EYS: variants seen among roughly 807,000 people sequenced by gnomAD.
EYS encodes the protein protein eyes shut homolog.
A neutral mutation model predicts 282.1 loss-of-function variants in EYS; 250 were observed. The ratio of observed to expected loss-of-function variants is 0.89; its 90% CI spans 0.80 to 0.98. The LOEUF is 0.98. EYS is among the 50% of genes least tolerant of loss of function. EYS has a pLI of 0.00. For synonymous variants in EYS, 1,355 were observed against 1,282.9 expected (o/e 1.06, Z -1.20); for missense variants, 4,016 against 3,709.0 (o/e 1.08, Z -2.15).
At chr6:64,038,960 G>A (rs1017005346) in intron 33 of EYS, among the ~76,000 whole-genome samples, 14 of 151,978 alleles carry the variant, frequency 9.2e-5, no homozygotes, top group African/African-American at 2.9e-4. Context: ...CCCTACAACC[G>A]TGTATGGCTA....
intron 1 of EYS, among the ~76,000 whole-genome samples, chr6:65,647,714 A>C (rs781693443): frequency 3.3e-5 from 5 of 152,198 alleles, no homozygotes; most frequent in Non-Finnish European, 7.4e-5. Flanking sequence ...AAGATAAATA[A>C]TTAGCAGAGT....
intron 11 of EYS, chr6:65,329,595 T>C: frequency 1.0e-6 from 1 of 980,988 alleles, no homozygotes; most frequent in Non-Finnish European, 1.2e-6. Context: ...GGTAAAAATA[T>C]ACCCACATAA....
At chr6:63,880,479 G>A (rs1426075470) in intron 35 of EYS, among the ~76,000 whole-genome samples, 7 of 124,390 alleles carry the variant, frequency 5.6e-5, no homozygotes, top group African/African-American at 1.4e-4. Flanking sequence ...CTGTCTGTCT[G>A]TCTGTCTGTA....
At chr6:65,098,759 C>T (rs1364824817) in intron 12 of EYS, among the ~76,000 whole-genome samples, 1 of 150,608 alleles carries the variant, frequency 6.6e-6, no homozygotes, top group East Asian at 1.9e-4. Context: ...ATCATTTCAC[C>T]CCTTAGGCTG....
rs869208549 is a variant in EYS at position 64,703,429 on chromosome 6, A to ATATTTTTTTT, written c.3444-77185_3444-77184insAAAAAAAATA. ...CACACACATATATATATATATATAT[A>ATATTTTTTTT]TTTTTTTTTTTTTTTTTTGAGATGG... On this transcript the variant is annotated intron_variant, in intron 22 of 42. Coordinates refer to ENST00000503581, the MANE Select transcript of EYS (RefSeq NM_001142800.2). 2.5e-3 allele frequency among the ~76,000 whole-genome samples: 59 copies of ATATTTTTTTT among 23,358 alleles called. 4 individuals are homozygous for ATATTTTTTTT. The highest frequency in any genetic ancestry group is 4.2e-3 in the African/African-American group (44 of 10,468). 15.3% of individuals were successfully genotyped at this position (23,358 alleles called of 152,430 possible).
intron 14 of EYS, among the ~76,000 whole-genome samples, chr6:64,951,624 G>T (rs1769513881): frequency 6.6e-6 from 1 of 151,626 alleles, no homozygotes; most frequent in Non-Finnish European, 1.5e-5. Flanking sequence ...AAGACAAATA[G>T]GGAATTCCAC....
At chr6:64,229,509 C>T (rs1582456568) in intron 31 of EYS, among the ~76,000 whole-genome samples, 1 of 152,178 alleles carries the variant, frequency 6.6e-6, no homozygotes, top group East Asian at 1.9e-4. Context: ...TTCTCAAAAT[C>T]AAGCCATAGT....
chr6:64,619,124 A>G (rs1050369188), intron 23 of EYS, among the ~76,000 whole-genome samples: 6 of 152,214 alleles, frequency 3.9e-5, no homozygotes, highest in African/African-American at 1.4e-4. Context: ...GGTGGCGAGA[A>G]TTATTGCTAA....
At chr6:65,589,991 A>G (rs1239296494) in intron 2 of EYS, among the ~76,000 whole-genome samples, 1 of 152,056 alleles carries the variant, frequency 6.6e-6, no homozygotes, top group Non-Finnish European at 1.5e-5. Flanking sequence ...TGAAAGCAAA[A>G]CCATTGGCAA....
intron 18 of EYS, among the ~76,000 whole-genome samples, chr6:64,893,680 TAAG>T (rs1767361538): frequency 6.6e-6 from 1 of 152,042 alleles, no homozygotes; most frequent in African/African-American, 2.4e-5. Context: ...GGTAATTTTC[TAAG>T]AATAGAATAA....
chr6:64,651,972 A>G (rs1342904347), intron 22 of EYS, among the ~76,000 whole-genome samples: 2 of 152,244 alleles, frequency 1.3e-5, no homozygotes, highest in African/African-American at 4.8e-5. Context: ...ATACACTGGC[A>G]TACAGGCACT....
chr6:65,098,481 G>T (rs1774801772), intron 12 of EYS, among the ~76,000 whole-genome samples: 1 of 150,754 alleles, frequency 6.6e-6, no homozygotes, highest in African/African-American at 2.4e-5. Flanking sequence ...ATTTCGTCTA[G>T]TAAAGCTCTT....
intron 30 of EYS, among the ~76,000 whole-genome samples, chr6:64,263,842 C>T (rs1336179196): frequency 6.6e-6 from 1 of 151,984 alleles, no homozygotes; most frequent in Non-Finnish European, 1.5e-5. Flanking sequence ...TTTTGTGGCT[C>T]CATGAAAAAC....
chr6:65,589,254 C>G (rs900374600), intron 2 of EYS, among the ~76,000 whole-genome samples: 2 of 152,002 alleles, frequency 1.3e-5, no homozygotes, highest in Non-Finnish European at 1.5e-5. Context: ...CCCTTTAAAG[C>G]ACCAGGCACT....
At chr6:64,175,972 T>C (rs1764621684) in intron 31 of EYS, among the ~76,000 whole-genome samples, 1 of 152,060 alleles carries the variant, frequency 6.6e-6, no homozygotes, top group African/African-American at 2.4e-5. Context: ...ATAAGTGCTA[T>C]GGGAACAATT....
intron 12 of EYS, among the ~76,000 whole-genome samples, chr6:65,113,461 C>G (rs1775278395): frequency 6.6e-6 from 1 of 151,820 alleles, no homozygotes; most frequent in African/African-American, 2.4e-5. Flanking sequence ...TGCTTTTGAC[C>G]AATTTTGAGG....
At chr6:64,660,721 C>G (rs1353430651) in intron 22 of EYS, among the ~76,000 whole-genome samples, 1 of 152,130 alleles carries the variant, frequency 6.6e-6, no homozygotes, top group Non-Finnish European at 1.5e-5. Context: ...CAAACCACTG[C>G]TCAATGAAAT....
At chr6:64,522,256 AT>A (rs1037073897) in intron 26 of EYS, among the ~76,000 whole-genome samples, 18 of 151,824 alleles carry the variant, frequency 1.2e-4, no homozygotes, top group Non-Finnish European at 2.7e-4. Flanking sequence ...CATTTTATGT[AT>A]TTTTTAGGGC....
intron 26 of EYS, among the ~76,000 whole-genome samples, chr6:64,551,783 C>A (rs1295617996): frequency 6.6e-6 from 1 of 152,160 alleles, no homozygotes; most frequent in Non-Finnish European, 1.5e-5. Flanking sequence ...TTTTCACACA[C>A]TAACTTCCAC....
Sources: gnomAD v4.1 joint callset for allele counts (sites outside exome capture counted in the v4.1 genomes callset) on GRCh38, gnomAD v4.1.1 for gene constraint, MANE v1.5 for transcripts, NCBI Gene and HGNC (gene_info 2026-07-23, HGNC 2026-07-21) for gene names.